The following DENND5A variants were observed in gnomAD, a reference collection of about 807,000 sequenced individuals.
DENND5A encodes DENN domain-containing protein 5A.
In DENND5A, 64 loss-of-function variants were observed where a neutral mutation model predicts 140.3. The ratio of observed to expected loss-of-function variants is 0.46; its 90% confidence interval spans 0.37 to 0.56. DENND5A has a LOEUF of 0.56. Ranked by LOEUF, DENND5A falls within the 20% of genes least tolerant of loss-of-function variation. The probability of loss-of-function intolerance (pLI) is 0.00; values close to 1 mark genes in which losing one functional copy is unlikely to be tolerated. For missense variants in DENND5A, 1,292 were observed against 1,593.8 expected, an observed-to-expected ratio of 0.81 and a Z score of 3.22; for synonymous variants, 605 against 607.7, an observed-to-expected ratio of 1.00 and a Z score of 0.07.
chr11:9,243,847 C>T (rs530684300), intron 1 of DENND5A, among the ~76,000 whole-genome samples: 2 of 152,264 alleles, frequency 1.3e-5, no homozygotes, highest in East Asian at 1.9e-4. Context: ...GATCACACCA[C>T]TGCACTCCAG....
intron 1 of DENND5A, among the ~76,000 whole-genome samples, chr11:9,232,977 A>G (rs920492967): frequency 7.9e-5 from 12 of 152,232 alleles, no homozygotes; most frequent in African/African-American, 4.8e-5. Context: ...AGTTCACCAT[A>G]TATAATTACA....
intron 12 of DENND5A, among the ~76,000 whole-genome samples, chr11:9,156,870 TGGAAGGAA>T (rs3074636): frequency 0.15 from 22,101 of 142,594 alleles, 1,768 homozygotes; most frequent in South Asian, 0.2. Flanking sequence ...GAAGGATGGA[TGGAAGGAA>T]GGAAGGAAGG....
intron 12 of DENND5A, among the ~76,000 whole-genome samples, chr11:9,157,353 CA>C (rs1847841468): frequency 6.6e-6 from 1 of 152,138 alleles, no homozygotes; most frequent in African/African-American, 2.4e-5. Flanking sequence ...ATTTTAGGTT[CA>C]GGGGCACACA....
chr11:9,181,409 A>G (rs1176076100), intron 5 of DENND5A, among the ~76,000 whole-genome samples: 1 of 152,214 alleles, frequency 6.6e-6, no homozygotes, highest in Admixed American at 6.5e-5. Flanking sequence ...CATCAAACAC[A>G]AAAGTCTCAC....
Position 9,204,725 on chromosome 11 carries a change from T to C in DENND5A, c.292-408A>G, listed in dbSNP as rs145804412. ...TAAAAACACAAAAATTAACCAGGTGTGCTGGTGCACGCCTATAATCCCAGC... is the reference window on the plus strand; with the variant it reads ...TAAAAACACAAAAATTAACCAGGTGCGCTGGTGCACGCCTATAATCCCAGC... On this transcript the variant is annotated intron_variant, in intron 3 of 22. Transcript: ENST00000328194. Among the ~76,000 whole-genome samples, 184 of 152,270 alleles carry C rather than the reference T, an allele frequency of 1.2e-3. 1 individual carries two copies. The highest frequency in any genetic ancestry group is 4.3e-3 in the African/African-American group (177 of 41,546).
Position 9,142,808 on chromosome 11 carries a change from C to T in DENND5A, c.3425G>A (p.Gly1142Asp). ...SLTLLLCGECGLVSALEQAFQ... is the reference protein window; with the variant it reads ...SLTLLLCGECDLVSALEQAFQ... ...AGCCTGTTCCAAGGCCGAGACAAGGCCACACTCTCCACAGAGCAACAGCGT... is the reference window on the plus strand; with the variant it reads ...AGCCTGTTCCAAGGCCGAGACAAGGTCACACTCTCCACAGAGCAACAGCGT... The change falls in exon 21 of 23, where the codon GGC becomes GAC. Residue 1142 changes from glycine (G) to aspartate (D), a missense_variant. Physicochemically the swap from Gly to Asp is moderately conservative, Grantham distance 94. This residue lies in a region of DENND5A where 498 missense variants were observed against 689.7 expected (regional missense o/e 0.72). Coordinates refer to ENST00000328194, the MANE Select transcript of DENND5A (RefSeq NM_015213.4). 1 of 1,614,172 alleles carries T rather than the reference C, an allele frequency of 6.2e-7. No homozygotes were observed.
intron 8 of DENND5A, 116 bp from the exon 9 acceptor site, chr11:9,170,893 G>A (rs999152601): frequency 6.7e-7 from 1 of 1,503,470 alleles, no homozygotes; most frequent in Non-Finnish European, 8.9e-7. Flanking sequence ...AGCCAAGATA[G>A]AGTAAAAGGG....
At chr11:9,140,069 C>A (rs1847186129) in intron 22 of DENND5A, 1 of 1,155,650 alleles carries the variant, frequency 8.7e-7, no homozygotes, top group Non-Finnish European at 1.2e-6. Flanking sequence ...CTGTCATGAG[C>A]CTCCAAGCCT....
At chr11:9,213,434 A>C (rs1407890701) in intron 1 of DENND5A, among the ~76,000 whole-genome samples, 4 of 151,818 alleles carry the variant, frequency 2.6e-5, no homozygotes, top group Non-Finnish European at 5.9e-5. Context: ...TAAAAAAAAA[A>C]CACCTTTTTT....
intron 1 of DENND5A, among the ~76,000 whole-genome samples, chr11:9,250,657 A>C (rs556593694): frequency 6.6e-6 from 1 of 152,354 alleles, no homozygotes; most frequent in East Asian, 1.9e-4. Context: ...GGGGCTAAAA[A>C]AATTAAAAAT....
At chr11:9,229,297 G>A (rs1394949148) in intron 1 of DENND5A, among the ~76,000 whole-genome samples, 2 of 151,892 alleles carry the variant, frequency 1.3e-5, no homozygotes, top group African/African-American at 2.4e-5. Flanking sequence ...TTACAAATGT[G>A]GGGAAAAAAC....
intron 1 of DENND5A, among the ~76,000 whole-genome samples, chr11:9,260,917 CA>C (rs1257482566): frequency 9.9e-5 from 15 of 152,258 alleles, no homozygotes; most frequent in African/African-American, 3.6e-4. Context: ...GTCACAATCT[CA>C]GTTCACTGCA....
intron 12 of DENND5A, among the ~76,000 whole-genome samples, chr11:9,158,995 G>C (rs1847894605): frequency 6.6e-6 from 1 of 152,118 alleles, no homozygotes; most frequent in African/African-American, 2.4e-5. Context: ...ATATGCATTA[G>C]TAGTCACTTC....
chr11:9,145,702 T>A lies in DENND5A; in HGVS notation c.2971A>T (p.Ile991Phe). 6.2e-7 allele frequency: 1 copy of A among 1,614,212 alleles called. No individual in the cohort carries two copies. The highest frequency in any genetic ancestry group is 8.5e-7 in the Non-Finnish European group (1 of 1,180,026). Reference protein sequence around the residue: ...GELGETQIMQIPRNVLEMTFE... With the variant: ...GELGETQIMQFPRNVLEMTFE... ...GTCATCTCTAGCACATTCCTGGGAA[T>A]CTGCATGATCTGTGTCTCACCCAAT... is the stretch of plus-strand genomic sequence containing the variant. The change falls in exon 17 of 23, where the codon ATT becomes TTT. Residue 991 changes from isoleucine (I) to phenylalanine (F), a missense_variant. By Grantham distance (21) the Ile-to-Phe change is conservative (BLOSUM62 0). Around this residue, in one of 4 missense-constraint regions of DENND5A, gnomAD observed 498 missense variants for 689.7 expected, o/e 0.72. Transcript: ENST00000328194.
At chr11:9,219,528 T>C (rs1850227057) in intron 1 of DENND5A, among the ~76,000 whole-genome samples, 1 of 152,218 alleles carries the variant, frequency 6.6e-6, no homozygotes, top group South Asian at 2.1e-4. Flanking sequence ...TATGAATCCT[T>C]TCTCAGGAAG....
At chr11:9,195,909 G>A (rs1048004365) in intron 4 of DENND5A, among the ~76,000 whole-genome samples, 1 of 152,108 alleles carries the variant, frequency 6.6e-6, no homozygotes, top group African/African-American at 2.4e-5. Flanking sequence ...AAAAAAAAAG[G>A]ATGTCTTTTA....
At chr11:9,165,242 T>C (rs1303755091) in intron 11 of DENND5A, among the ~76,000 whole-genome samples, 1 of 152,070 alleles carries the variant, frequency 6.6e-6, no homozygotes, top group Admixed American at 6.6e-5. Context: ...CCTCGTGATC[T>C]GCCTGCCTCA....
chr11:9,263,378 G>A (rs1453011493), intron 1 of DENND5A, among the ~76,000 whole-genome samples: 1 of 151,290 alleles, frequency 6.6e-6, no homozygotes, highest in Non-Finnish European at 1.5e-5. Flanking sequence ...GCGCCACGAC[G>A]CCCGGCTAAT....
rs1184035300 is a variant in DENND5A at position 9,204,326 on chromosome 11, GACA to G, written c.292-12_292-10del. The G allele has an allele frequency of 3.1e-6, 5 of 1,604,162 alleles. No homozygotes were observed. Among genetic ancestry groups the G allele is most frequent in the African/African-American group, 2.7e-5 (2 of 74,820 alleles). ...CCTTTCGGCATACATAGCTGCAAAA[GACA>G]ACAAGGCAACAAGCAGTGAGAACAC... is the stretch of plus-strand genomic sequence containing the variant. On this transcript the variant is annotated splice_polypyrimidine_tract_variant and intron_variant, in intron 3 of 22. Transcript: ENST00000328194.
Sources: gnomAD v4.1 joint callset for allele counts (sites outside exome capture counted in the v4.1 genomes callset) on GRCh38, gnomAD v4.1.1 for gene constraint, gnomAD v4.1.1 regional missense constraint, MANE v1.5 for transcripts, NCBI Gene and HGNC (gene_info 2026-07-23, HGNC 2026-07-21) for gene names.